Variants in CNTN4 observed in about 807,000 individuals in gnomAD.
CNTN4 encodes the protein contactin 4, also known as contactin-4.
In CNTN4, 77 loss-of-function variants were observed where a neutral mutation model predicts 122.5. The observed-to-expected ratio is 0.63, with a 90% CI of 0.52 to 0.76. The LOEUF is 0.76. Among genes scored for constraint, CNTN4 ranks in the 30% least tolerant of loss-of-function variants. CNTN4 has a pLI of 0.00. For synonymous variants in CNTN4, 512 were observed against 447.0 expected, an observed-to-expected ratio of 1.15 and a Z score of -1.83; for missense variants, 1,256 against 1,259.1, an observed-to-expected ratio of 1.00 and a Z score of 0.04.
chr3:3,041,266 CT>C (rs1157539225), intron 20 of CNTN4: 1 of 152,304 alleles, frequency 6.6e-6, no homozygotes, highest in East Asian at 1.9e-4. Flanking sequence ...TGCTGCCTCT[CT>C]GTCTGCCTCA....
At chr3:2,677,417 TAGAG>T (rs771675428) in intron 4 of CNTN4, among the ~76,000 whole-genome samples, 1 of 150,436 alleles carries the variant, frequency 6.6e-6, no homozygotes. Context: ...TACATAGATA[TAGAG>T]AGAGATCTAT....
chr3:2,256,854 G>A (rs1414297624), intron 2 of CNTN4, among the ~76,000 whole-genome samples: 2 of 152,120 alleles, frequency 1.3e-5, no homozygotes, highest in African/African-American at 4.8e-5. Context: ...CATGAAAATG[G>A]CCATAAGGTA....
At chr3:2,611,534 A>G (rs2081490393) in intron 4 of CNTN4, among the ~76,000 whole-genome samples, 2 of 152,084 alleles carry the variant, frequency 1.3e-5, no homozygotes, top group Non-Finnish European at 1.5e-5. Flanking sequence ...CGTTGTGTGA[A>G]TTCACTTTGT....
intron 2 of CNTN4, among the ~76,000 whole-genome samples, chr3:2,326,474 T>G (rs2043461313): frequency 7.4e-6 from 1 of 136,030 alleles, no homozygotes; most frequent in African/African-American, 2.8e-5. Context: ...GCCAATTCCT[T>G]CTAATAAATT....
At chr3:2,633,745 G>GTT in intron 4 of CNTN4, among the ~76,000 whole-genome samples, 1 of 152,270 alleles carries the variant, frequency 6.6e-6, no homozygotes, top group South Asian at 2.1e-4. Context: ...CTGGCATGAG[G>GTT]TTAATTCAGA....
intron 2 of CNTN4, among the ~76,000 whole-genome samples, chr3:2,301,257 A>G (rs2042507271): frequency 6.6e-6 from 1 of 152,180 alleles, no homozygotes; most frequent in African/African-American, 2.4e-5. Context: ...GAGGAAAACA[A>G]AAATCCATAT....
intron 12 of CNTN4, among the ~76,000 whole-genome samples, chr3:2,917,353 A>AGACGGG (rs2094379621): frequency 6.6e-6 from 1 of 151,840 alleles, no homozygotes; most frequent in African/African-American, 2.4e-5. Context: ...AGGAAGAGGG[A>AGACGGG]GACGGAGACG....
chr3:2,723,083 C>T (rs971389172), intron 4 of CNTN4, among the ~76,000 whole-genome samples: 1 of 152,124 alleles, frequency 6.6e-6, no homozygotes, highest in Non-Finnish European at 1.5e-5. Context: ...GGGATGATTC[C>T]ATCATTCTTT....
At chr3:2,200,297 A>G (rs2038038515) in intron 2 of CNTN4, among the ~76,000 whole-genome samples, 2 of 152,168 alleles carry the variant, frequency 1.3e-5, no homozygotes, top group Non-Finnish European at 2.9e-5. Flanking sequence ...GAGAAATCAA[A>G]GTCTTAGTAA....
intron 3 of CNTN4, among the ~76,000 whole-genome samples, chr3:2,381,091 T>C (rs1450972660): frequency 2.6e-5 from 4 of 151,918 alleles, no homozygotes; most frequent in African/African-American, 9.7e-5. Flanking sequence ...CTGCAACCTC[T>C]GCCTTCTGGG....
chr3:2,126,417 C>G (rs150992796), intron 2 of CNTN4, among the ~76,000 whole-genome samples: 1 of 152,098 alleles, frequency 6.6e-6, no homozygotes, highest in East Asian at 1.9e-4. Context: ...TTATCTGGCA[C>G]CTTTTCTTGT....
intron 2 of CNTN4, among the ~76,000 whole-genome samples, chr3:2,209,985 A>G (rs2038536889): frequency 6.6e-6 from 1 of 152,140 alleles, no homozygotes; most frequent in South Asian, 2.1e-4. Context: ...TGGTATTATT[A>G]TCAAAGCATA....
rs368449193 is a variant in CNTN4 at position 2,570,036 on chromosome 3, TGGCGGGCTGGCAGGATG to T, written c.-88-1377_-88-1361del. On this transcript the variant is annotated intron_variant, in intron 3 of 24. Coordinates refer to ENST00000418658, the MANE Select transcript of CNTN4 (RefSeq NM_175607.3). ...GATGCTTCACATATACATTCACACA[TGGCGGGCTGGCAGGATG>T]GGTGGGAGAAGGGATGAGTGGATGA... Among the ~76,000 whole-genome samples, 1,344 of 152,038 alleles carry T rather than the reference TGGCGGGCTGGCAGGATG, an allele frequency of 8.8e-3. 18 individuals carry two copies. Among genetic ancestry groups the T allele is most frequent in the African/African-American group, 0.031 (1,297 of 41,478 alleles).
intron 7 of CNTN4, among the ~76,000 whole-genome samples, chr3:2,844,489 G>T (rs943611763): frequency 5.3e-5 from 8 of 152,094 alleles, no homozygotes; most frequent in African/African-American, 1.7e-4. Context: ...CAGCTGTTCC[G>T]GTAAGGACGC....
intron 6 of CNTN4, among the ~76,000 whole-genome samples, chr3:2,816,623 C>T (rs927504815): frequency 6.6e-6 from 1 of 151,196 alleles, no homozygotes; most frequent in Non-Finnish European, 1.5e-5. Context: ...GAGATCGAGA[C>T]TATCCTGGCC....
intron 2 of CNTN4, among the ~76,000 whole-genome samples, chr3:2,233,042 G>A (rs535883196): frequency 2.6e-4 from 39 of 152,070 alleles, no homozygotes; most frequent in Non-Finnish European, 2.1e-4. Context: ...TTGGTTAATG[G>A]GGCGCCTGTT....
intron 13 of CNTN4, among the ~76,000 whole-genome samples, chr3:2,979,905 C>T (rs1356932651): frequency 6.6e-6 from 1 of 152,140 alleles, no homozygotes; most frequent in East Asian, 1.9e-4. Context: ...TGCTGAACTG[C>T]TCAGAAAAAT....
intron 11 of CNTN4, 49 bp downstream of exon 11, chr3:2,900,870 A>G: frequency 6.2e-7 from 1 of 1,603,374 alleles, no homozygotes; most frequent in South Asian, 1.1e-5. Context: ...ATAACGTTTA[A>G]TATAGCCTCA....
intron 14 of CNTN4, among the ~76,000 whole-genome samples, chr3:3,002,468 A>G (rs1400977763): frequency 2.6e-5 from 4 of 152,238 alleles, no homozygotes; most frequent in Non-Finnish European, 5.9e-5. Context: ...ATAATAAAAT[A>G]GTAGGTAACA....
Sources: allele counts gnomAD v4.1 joint callset (sites outside exome capture counted in the v4.1 genomes callset), GRCh38; gene constraint gnomAD v4.1.1; transcripts MANE v1.5; gene names NCBI Gene and HGNC (gene_info 2026-07-23, HGNC 2026-07-21).